Variants in GAS2 observed in about 807,000 individuals in gnomAD.
The protein encoded by GAS2 is growth arrest specific 2.
GAS2 carries 20 observed loss-of-function variants against 37.5 expected under a neutral mutation model. The ratio of observed to expected loss-of-function variants is 0.53; its 90% CI spans 0.37 to 0.77. The LOEUF (loss-of-function observed/expected upper bound fraction) is 0.77. Among genes scored for constraint, GAS2 ranks in the 30% least tolerant of loss-of-function variants. The pLI is 0.00. For synonymous variants in GAS2, 144 were observed against 132.2 expected, an observed-to-expected ratio of 1.09 and a Z score of -0.61; for missense variants, 336 against 373.4, an observed-to-expected ratio of 0.90 and a Z score of 0.82.
intron 7 of GAS2, among the ~76,000 whole-genome samples, chr11:22,770,138 G>A (rs376177816): frequency 7.5e-4 from 114 of 152,216 alleles, no homozygotes; most frequent in African/African-American, 2.3e-3. Context: ...CACACACTGG[G>A]GCCTGTGGGA....
rs926272526 is a variant in GAS2 at position 22,760,213 on chromosome 11, T to C, written c.723+4260T>C. The stretch of plus-strand genomic sequence containing the variant: ...CCAGGCTGGCTTCAAACTCTTGGCC[T>C]CAGGTGATCCGCCTGCCTTGGCCTC... On this transcript the variant is annotated intron_variant, in intron 7 of 7. Coordinates refer to ENST00000454584, the MANE Select transcript of GAS2 (RefSeq NM_001143830.3). Among the ~76,000 whole-genome samples, 3 of 151,986 alleles carry C rather than the reference T, an allele frequency of 2.0e-5. 1 individual carries two copies. The highest frequency in any genetic ancestry group is 1.3e-4 in the Admixed American group (2 of 15,246).
At chr11:22,782,674 T>C (rs141249714) in intron 7 of GAS2, among the ~76,000 whole-genome samples, 207 of 151,702 alleles carry the variant, frequency 1.4e-3, no homozygotes, top group African/African-American at 4.7e-3. Flanking sequence ...TTGTTTTCTA[T>C]TCCTGTGTTA....
chr11:22,662,955 A>G (rs571589045), upstream of GAS2, among the ~76,000 whole-genome samples: 1 of 152,312 alleles, frequency 6.6e-6, no homozygotes, highest in Non-Finnish European at 1.5e-5. Flanking sequence ...CTGTGCTATA[A>G]AGAACTACCT....
chr11:22,765,817 A>T lies in GAS2; in HGVS notation c.723+9864A>T, dbSNP rs370792486. 2.8e-3 allele frequency among the ~76,000 whole-genome samples: 428 copies of T among 152,066 alleles called. 4 individuals are homozygous for T. The highest frequency in any genetic ancestry group is 1.0e-2 in the African/African-American group (413 of 41,488). The stretch of plus-strand genomic sequence containing the variant: ...AAGACAGACCTGAGATTGAGTAATT[A>T]TAAAGAATATAGGTTTAATTGGCTC... On this transcript the variant is annotated intron_variant, in intron 7 of 7. Coordinates refer to ENST00000454584, the MANE Select transcript of GAS2 (RefSeq NM_001143830.3).
At chr11:22,637,903 G>A (rs1172285960) in intron 1 of GAS2, among the ~76,000 whole-genome samples, 2 of 150,902 alleles carry the variant, frequency 1.3e-5, no homozygotes, top group African/African-American at 2.4e-5. Flanking sequence ...ATAAAAATTG[G>A]ATTAAGACAG....
At chr11:22,803,193 C>A (rs1474740699) in intron 7 of GAS2, among the ~76,000 whole-genome samples, 1 of 152,070 alleles carries the variant, frequency 6.6e-6, no homozygotes, top group African/African-American at 2.4e-5. Context: ...AAATAAAAAA[C>A]CAGTGAGATA....
intron 3 of GAS2, among the ~76,000 whole-genome samples, chr11:22,698,240 C>A (rs1279347254): frequency 6.6e-6 from 1 of 152,176 alleles, no homozygotes; most frequent in Non-Finnish European, 1.5e-5. Flanking sequence ...ACTACAAACA[C>A]CTCTATGCAA....
intron 7 of GAS2, among the ~76,000 whole-genome samples, chr11:22,783,318 G>C (rs1855660528): frequency 6.6e-6 from 1 of 152,078 alleles, no homozygotes; most frequent in Non-Finnish European, 1.5e-5. Flanking sequence ...AATTCTTTAA[G>C]TTCTTTATAG....
intron 7 of GAS2, among the ~76,000 whole-genome samples, chr11:22,796,286 G>A (rs1485094905): frequency 6.6e-6 from 1 of 152,020 alleles, no homozygotes; most frequent in Non-Finnish European, 1.5e-5. Context: ...GAGGTACCTG[G>A]TGATTCTAAA....
chr11:22,723,421 G>A (rs1473456588), intron 3 of GAS2, among the ~76,000 whole-genome samples: 1 of 151,828 alleles, frequency 6.6e-6, no homozygotes, highest in African/African-American at 2.4e-5. Flanking sequence ...TCATTTATAC[G>A]CTCAGTGGTT....
chr11:22,644,196 T>C (rs1365494881), intron 1 of GAS2, among the ~76,000 whole-genome samples: 1 of 152,162 alleles, frequency 6.6e-6, no homozygotes, highest in Non-Finnish European at 1.5e-5. Context: ...GGAAATTTCT[T>C]TTTTTTAAAA....
At chr11:22,772,583 A>G (rs1246917644) in intron 7 of GAS2, among the ~76,000 whole-genome samples, 1 of 152,144 alleles carries the variant, frequency 6.6e-6, no homozygotes, top group African/African-American at 2.4e-5. Context: ...TGATTTCCAT[A>G]GGCATCATGG....
Position 22,736,902 on chromosome 11 carries a change from T to C in GAS2, c.410-803T>C, listed in dbSNP as rs866271469. Among the ~76,000 whole-genome samples the C allele has an allele frequency of 4.2e-4, 64 of 152,218 alleles. No individual in the cohort carries two copies. The Middle Eastern group carries it at 0.031, about 73-fold the overall frequency. On this transcript the variant is annotated intron_variant, in intron 4 of 7. Coordinates refer to ENST00000454584, the MANE Select transcript of GAS2 (RefSeq NM_001143830.3). ...CCCACATTTTGCTTAAAAAAGAGAA[T>C]AGTATGCTCTTTTACATGCTCTTCT...
chr11:22,633,724 A>G (rs1466798759), intron 1 of GAS2, among the ~76,000 whole-genome samples: 3 of 152,240 alleles, frequency 2.0e-5, no homozygotes, highest in East Asian at 1.9e-4. Context: ...TAGTTCCCCA[A>G]CCAGGCCAGC....
chr11:22,693,017 T>G lies in GAS2; in HGVS notation c.267+7228T>G, dbSNP rs75479153. Among the ~76,000 whole-genome samples, 398 of 152,268 alleles carry G rather than the reference T, an allele frequency of 2.6e-3. 17 individuals carry two copies. The East Asian group carries it at 0.065, about 25-fold the overall frequency. Reference sequence around the variant, plus strand: ...ACCCCTTTCTGCATTTTCATGAGATTTATTCTCTACCCTCCAGAATGTGTG... The same window carrying G: ...ACCCCTTTCTGCATTTTCATGAGATGTATTCTCTACCCTCCAGAATGTGTG... On this transcript the variant is annotated intron_variant, in intron 3 of 7. Transcript: ENST00000454584.
At chr11:22,748,960 A>T (rs1010925199) in intron 5 of GAS2, among the ~76,000 whole-genome samples, 160 bp from the exon 6 acceptor site, 4 of 152,094 alleles carry the variant, frequency 2.6e-5, no homozygotes, top group African/African-American at 9.7e-5. Flanking sequence ...GCTTAGAAGG[A>T]TGCTAATTCA....
chr11:22,754,895 A>C (rs1853942250), intron 6 of GAS2, among the ~76,000 whole-genome samples: 1 of 152,142 alleles, frequency 6.6e-6, no homozygotes, highest in African/African-American at 2.4e-5. Flanking sequence ...TGTTCTATCT[A>C]GCTTCTAAAT....
At chr11:22,649,181 GTTT>G (rs1848740956) in intron 1 of GAS2, among the ~76,000 whole-genome samples, 1 of 151,352 alleles carries the variant, frequency 6.6e-6, no homozygotes, top group African/African-American at 2.4e-5. Context: ...TAATCATGTG[GTTT>G]TTGTCTTTGG....
At chr11:22,781,952 T>C (rs983996206) in intron 7 of GAS2, among the ~76,000 whole-genome samples, 2 of 152,180 alleles carry the variant, frequency 1.3e-5, no homozygotes, top group Non-Finnish European at 2.9e-5. Flanking sequence ...GCCAAATTAA[T>C]ATAAAAATTG....
Sources: allele counts gnomAD v4.1 joint callset (sites outside exome capture counted in the v4.1 genomes callset), GRCh38; gene constraint gnomAD v4.1.1; transcripts MANE v1.5; gene names NCBI Gene and HGNC (gene_info 2026-07-23, HGNC 2026-07-21).